The following ZBTB5 variants were observed in gnomAD, a reference collection of about 807,000 sequenced individuals.
The protein encoded by ZBTB5 is zinc finger and BTB domain-containing protein 5.
Under a neutral mutation model 37.9 loss-of-function variants are expected in ZBTB5, and 15 were observed. The ratio of observed to expected loss-of-function variants is 0.40; its 90% CI spans 0.26 to 0.61. The LOEUF (loss-of-function observed/expected upper bound fraction) is 0.61, where lower values mean the gene tolerates loss of function less well. Among genes scored for constraint, ZBTB5 ranks in the 20% least tolerant of loss-of-function variants. The probability of loss-of-function intolerance (pLI) is 0.47; values close to 1 mark genes in which losing one functional copy is unlikely to be tolerated. For synonymous variants in ZBTB5, 315 were observed against 312.4 expected (o/e 1.01, Z -0.09); for missense variants, 708 against 856.8 (o/e 0.83, Z 2.17).
chr9:37,460,894 GA>G (rs58774719), intron 1 of ZBTB5, among the ~76,000 whole-genome samples: 91,476 of 149,092 alleles, frequency 0.61, 29,054 homozygotes, highest in East Asian at 0.86. Context: ...AAAGTAGAAA[GA>G]AAAAAAAAAA....
rs58217601 is a variant in ZBTB5, at chr9:37,465,195, C to T, written c.-5+20G>A. ...TGAGCGCGCCCGCCATCACGATACT[C>T]GCTGACGGGGTCTCCTCACCTGAGT... On this transcript the variant is annotated intron_variant, in intron 1 of 1. Coordinates refer to ENST00000307750, the MANE Select transcript of ZBTB5 (RefSeq NM_014872.3). 1 of 152,346 alleles carries T rather than the reference C, an allele frequency of 6.6e-6. No individual in the cohort carries two copies. The highest frequency in any genetic ancestry group is 1.5e-5 in the Non-Finnish European group (1 of 68,110). The allele number at this position is 152,346 out of a possible 1,614,324, so 9.4% of individuals were successfully genotyped here.
At chr9:37,456,079 T>C (rs1824182820) in intron 1 of ZBTB5, among the ~76,000 whole-genome samples, 1 of 151,932 alleles carries the variant, frequency 6.6e-6, no homozygotes, top group South Asian at 2.1e-4. Flanking sequence ...GCCTCCTGGG[T>C]AGCTGGGACT....
chr9:37,440,340 C>T lies in ZBTB5; in HGVS notation c.*178G>A. On this transcript the variant is annotated 3_prime_UTR_variant, in exon 2 of 2. Transcript: ENST00000307750. ...GATTGCATCCCTTTCCCAAGACGTG[C>T]ACTTCACTCAGAAATGCAGCAGCAC... is the stretch of plus-strand genomic sequence containing the variant. 3.3e-6 allele frequency: 2 copies of T among 602,408 alleles called. No homozygotes were observed. The highest frequency in any genetic ancestry group is 5.8e-6 in the Non-Finnish European group (2 of 345,946). 37.3% of individuals were successfully genotyped at this position (602,408 alleles called of 1,614,324 possible).
chr9:37,456,828 A>T (rs1824196750), intron 1 of ZBTB5, among the ~76,000 whole-genome samples: 1 of 152,230 alleles, frequency 6.6e-6, no homozygotes, highest in African/African-American at 2.4e-5. Context: ...GATGAAGTAT[A>T]ATGTATTACC....
In ZBTB5 at chr9:37,441,046, A is replaced by C. The variant is rs141985807; in HGVS notation, c.1506T>G (p.Phe502Leu). 5.6e-6 allele frequency: 9 copies of C among 1,614,076 alleles called. No individual in the cohort carries two copies. Among genetic ancestry groups the C allele is most frequent in the Non-Finnish European group, 7.6e-6 (9 of 1,180,048 alleles). ...QTSGYQGGEQ[F>L]GMDFSRSGLG... ...AACCAGACCTGGAAAAGTCCATCCC[A>C]AACTGTTCTCCTCCTTGGTAGCCTG... Residue 502 changes from phenylalanine (F) to leucine (L), a missense_variant, in exon 2 of 2, where the codon TTT becomes TTG. Around this residue, in one of 3 missense-constraint regions of ZBTB5, gnomAD observed 639 missense variants for 690.5 expected, o/e 0.93. Coordinates refer to ENST00000307750, the MANE Select transcript of ZBTB5 (RefSeq NM_014872.3).
At position 37,465,235 on chromosome 9, in the gene ZBTB5, C is replaced by G. The variant is rs1403427377; in HGVS notation, c.-25G>C. On this transcript the variant is annotated 5_prime_UTR_variant, in exon 1 of 2. Transcript: ENST00000307750. ...CTCACCTGAGTCGGGCTCCGCCCCC[C>G]TCCTCCTCGCTGAAGGAGGCGGTGA... The G allele has an allele frequency of 6.6e-6, 1 of 152,234 alleles. No individual in the cohort carries two copies. Among genetic ancestry groups the G allele is most frequent in the Non-Finnish European group, 1.5e-5 (1 of 68,064 alleles). 9.4% of individuals were successfully genotyped at this position (152,234 alleles called of 1,614,324 possible). A position where few individuals can be genotyped will look rare whatever the true frequency, so the allele number is the denominator to read the frequency against.
rs138044325 is a variant in ZBTB5 at position 37,441,604 on chromosome 9, C to A, written c.948G>T (p.Glu316Asp). Residue 316 changes from glutamate (E) to aspartate (D), a missense_variant, in exon 2 of 2, where the codon GAG (glutamate) becomes GAT (aspartate). This residue lies in a region of ZBTB5 where 639 missense variants were observed against 690.5 expected (regional missense o/e 0.93). Coordinates refer to ENST00000307750, the MANE Select transcript of ZBTB5 (RefSeq NM_014872.3). Reference sequence around the variant, plus strand: ...TGTGCTCCTTCTCACCAAGGCCAACCTCAGGGTTTTCACACTGAAAACTAC... The same window carrying A: ...TGTGCTCCTTCTCACCAAGGCCAACATCAGGGTTTTCACACTGAAAACTAC... ...EKSSFQCENP[E>D]VGLGEKEHMR... 5.0e-6 allele frequency: 8 copies of A among 1,613,066 alleles called. No homozygotes were observed. The African/African-American group carries it at 9.4e-5, about 19-fold the overall frequency.
At chr9:37,455,385 G>A (rs551276159) in intron 1 of ZBTB5, among the ~76,000 whole-genome samples, 22 of 152,088 alleles carry the variant, frequency 1.4e-4, no homozygotes, top group South Asian at 2.1e-4. Flanking sequence ...ATAAAATCCC[G>A]AATACACCAT....
chr9:37,446,205 T>C (rs979058987), intron 1 of ZBTB5, among the ~76,000 whole-genome samples: 3 of 152,234 alleles, frequency 2.0e-5, no homozygotes, highest in African/African-American at 7.2e-5. Context: ...CCTGAGATCT[T>C]TGCAAATCTC....
chr9:37,456,992 G>T (rs910454241), intron 1 of ZBTB5, among the ~76,000 whole-genome samples: 2 of 152,156 alleles, frequency 1.3e-5, no homozygotes, highest in Admixed American at 6.5e-5. Context: ...TCTTTTGTTC[G>T]AAACAAAATT....
intron 1 of ZBTB5, among the ~76,000 whole-genome samples, chr9:37,444,149 C>T (rs1017644448): frequency 2.0e-5 from 3 of 152,128 alleles, no homozygotes; most frequent in African/African-American, 7.2e-5. Flanking sequence ...ATCTTGACTA[C>T]AGAAAGAGAA....
chr9:37,460,446 A>G (rs1824271423), intron 1 of ZBTB5, among the ~76,000 whole-genome samples: 1 of 151,106 alleles, frequency 6.6e-6, no homozygotes, highest in African/African-American at 2.4e-5. Context: ...CCCCCCCAAA[A>G]AAATTAGGCC....
chr9:37,449,093 TA>T (rs1444361520), intron 1 of ZBTB5, among the ~76,000 whole-genome samples: 1 of 150,390 alleles, frequency 6.6e-6, no homozygotes, highest in African/African-American at 2.5e-5. Context: ...AACATTTTAA[TA>T]AACAACTGGG....
chr9:37,460,879 A>G (rs1009111580), intron 1 of ZBTB5, among the ~76,000 whole-genome samples: 2 of 127,384 alleles, frequency 1.6e-5, no homozygotes, highest in Non-Finnish European at 3.5e-5. Context: ...AAAGCAAAAC[A>G]GAACAAAGTA....
chr9:37,453,899 T>C (rs781714619), intron 1 of ZBTB5, among the ~76,000 whole-genome samples: 1 of 152,206 alleles, frequency 6.6e-6, no homozygotes, highest in Non-Finnish European at 1.5e-5. Flanking sequence ...CATTTTTGCC[T>C]GTTTGAGAAC....
In ZBTB5 at chr9:37,441,797, T is replaced by C. The variant is rs1299762074; in HGVS notation, c.755A>G (p.Asn252Ser). Residue 252 changes from asparagine to serine, a missense_variant, in exon 2 of 2, where the codon AAC becomes AGC. By Grantham distance (46) the Asn-to-Ser change is conservative. Transcript: ENST00000307750. ...AAACATGATCGCACTATCTTCCTGGTTATCAGTCATTCCATCAGCTTTAGG... is the reference window on the plus strand; with the variant it reads ...AAACATGATCGCACTATCTTCCTGGCTATCAGTCATTCCATCAGCTTTAGG... ...DNPKADGMTD[N>S]QEDSAIMFDQ... 6.2e-7 allele frequency: 1 copy of C among 1,614,090 alleles called. No individual in the cohort carries two copies. The highest frequency in any genetic ancestry group is 8.5e-7 in the Non-Finnish European group (1 of 1,180,020).
In ZBTB5 at chr9:37,440,026, A is replaced by T. The variant is rs895724081; in HGVS notation, c.*492T>A. On this transcript the variant is annotated 3_prime_UTR_variant, in exon 2 of 2. Coordinates refer to ENST00000307750, the MANE Select transcript of ZBTB5 (RefSeq NM_014872.3). ...TTGAGGCCTAGGACTAGCTCATGAT[A>T]CACTTTAAAGCATTTGTGGCAGACA... 5 of 164,670 alleles carry T rather than the reference A, an allele frequency of 3.0e-5. No homozygotes were observed. Among genetic ancestry groups the T allele is most frequent in the African/African-American group, 1.2e-4 (5 of 41,524 alleles). 10.2% of individuals were successfully genotyped at this position (164,670 alleles called of 1,614,324 possible).
chr9:37,444,653 A>G (rs777194507), intron 1 of ZBTB5, among the ~76,000 whole-genome samples: 233 of 152,384 alleles, frequency 1.5e-3, no homozygotes, highest in Non-Finnish European at 2.5e-3. Flanking sequence ...CAGCAGCACT[A>G]AAAGCTAGAA....
At position 37,442,000 on chromosome 9, in the gene ZBTB5, G is replaced by A. The variant is rs780047801; in HGVS notation, c.552C>T (p.Pro184=). The change falls in exon 2 of 2, where the codon CCC becomes CCT. Residue 184 remains proline (P), a synonymous_variant. Transcript: ENST00000307750. The stretch of plus-strand genomic sequence containing the variant: ...GCTTATGAAGGCGTCTCATGGGGAA[G>A]GGCGTGCGCTGATCCAGGTTACTGC... ...SMRSNLDQRT[P]FPMRRLHKRK... 2 of 1,613,882 alleles carry A rather than the reference G, an allele frequency of 1.2e-6. No homozygotes were observed. The highest frequency in any genetic ancestry group is 1.7e-6 in the Non-Finnish European group (2 of 1,180,042).
Sources: allele counts gnomAD v4.1 joint callset (sites outside exome capture counted in the v4.1 genomes callset), GRCh38; gene constraint gnomAD v4.1.1; regional missense constraint gnomAD v4.1.1; transcripts MANE v1.5; gene names NCBI Gene and HGNC (gene_info 2026-07-23, HGNC 2026-07-21).